The following RPS6KC1 variants were observed in gnomAD, a reference collection of about 807,000 sequenced individuals.
RPS6KC1 encodes inactive ribosomal protein S6 kinase delta-1.
In RPS6KC1, 54 loss-of-function variants were observed where a neutral mutation model predicts 103.8. That is an observed-to-expected ratio of 0.52 (90% CI 0.42 to 0.65). The LOEUF (loss-of-function observed/expected upper bound fraction) is 0.65, where lower values mean the gene tolerates loss of function less well. Ranked by LOEUF, RPS6KC1 falls within the 30% of genes least tolerant of loss-of-function variation. RPS6KC1 has a pLI of 0.00. For synonymous variants in RPS6KC1, 439 were observed against 438.7 expected (o/e 1.00, Z -0.01); for missense variants, 1,151 against 1,253.8 (o/e 0.92, Z 1.24).
At chr1:213,667,461 C>T in the RPS6KC1 span, among the ~76,000 whole-genome samples, 1 of 152,102 alleles carries the variant, frequency 6.6e-6, no homozygotes, top group African/African-American at 2.4e-5. Context: ...AATGTACATA[C>T]CTTAATTAAA....
intron 3 of RPS6KC1, among the ~76,000 whole-genome samples, chr1:213,083,217 C>T (rs1205980815): frequency 6.6e-6 from 1 of 152,152 alleles, no homozygotes; most frequent in Non-Finnish European, 1.5e-5. Context: ...AAAACAACCA[C>T]GAAGCCACAC....
intron 3 of RPS6KC1, among the ~76,000 whole-genome samples, chr1:213,103,586 C>G (rs998309987): frequency 6.6e-6 from 1 of 152,162 alleles, no homozygotes; most frequent in African/African-American, 2.4e-5. Flanking sequence ...TTCAGTTTCA[C>G]TTGCCAGTCA....
chr1:213,766,593 G>A, the RPS6KC1 span, among the ~76,000 whole-genome samples: 2 of 152,168 alleles, frequency 1.3e-5, no homozygotes, highest in Admixed American at 6.5e-5. Flanking sequence ...ACCTCCTGGT[G>A]GGCAGATGTA....
At chr1:213,417,889 G>A in the RPS6KC1 span, among the ~76,000 whole-genome samples, 4 of 152,134 alleles carry the variant, frequency 2.6e-5, no homozygotes, top group African/African-American at 9.7e-5. Context: ...ACTTTTCCAT[G>A]AGGCAGGTGA....
the RPS6KC1 span, among the ~76,000 whole-genome samples, chr1:213,320,339 A>G: frequency 6.6e-6 from 1 of 152,248 alleles, no homozygotes; most frequent in African/African-American, 2.4e-5. Flanking sequence ...AATTGCACCC[A>G]CAGCACTTAT....
chr1:213,284,429 C>G, the RPS6KC1 span, among the ~76,000 whole-genome samples: 271 of 71,546 alleles, frequency 3.8e-3, no homozygotes, highest in Middle Eastern at 6.6e-3. Flanking sequence ...ACAAGAATAG[C>G]TTGAACCAAT....
chr1:213,444,537 C>A, the RPS6KC1 span, among the ~76,000 whole-genome samples: 1 of 152,114 alleles, frequency 6.6e-6, no homozygotes, highest in Non-Finnish European at 1.5e-5. Context: ...TTATGAGTAT[C>A]AATCATATGG....
chr1:213,418,443 C>T, the RPS6KC1 span, among the ~76,000 whole-genome samples: 5 of 152,096 alleles, frequency 3.3e-5, no homozygotes, highest in Non-Finnish European at 5.9e-5. Flanking sequence ...CGTCTGGGTG[C>T]TCTGGCCTGC....
At chr1:213,310,947 C>A in the RPS6KC1 span, among the ~76,000 whole-genome samples, 2 of 152,034 alleles carry the variant, frequency 1.3e-5, no homozygotes, top group Non-Finnish European at 2.9e-5. Context: ...AAGCCTCACA[C>A]GGGGAACCAG....
chr1:213,849,451 C>T, the RPS6KC1 span, among the ~76,000 whole-genome samples: 2 of 152,120 alleles, frequency 1.3e-5, no homozygotes, highest in Non-Finnish European at 2.9e-5. Flanking sequence ...CCAACTTTGC[C>T]ATATTCTAAG....
At chr1:213,275,975 G>A (rs959714526), downstream of RPS6KC1, among the ~76,000 whole-genome samples, 11 of 152,302 alleles carry the variant, frequency 7.2e-5, no homozygotes, top group Admixed American at 1.3e-4. Context: ...TTAAACAGCT[G>A]CAATACCTAT....
At chr1:213,733,095 G>A in the RPS6KC1 span, among the ~76,000 whole-genome samples, 24 of 152,280 alleles carry the variant, frequency 1.6e-4, no homozygotes, top group Non-Finnish European at 2.9e-4. Flanking sequence ...GAATAATGCT[G>A]CCATGAAAAT....
At chr1:213,084,453 A>C (rs1304495048) in intron 3 of RPS6KC1, among the ~76,000 whole-genome samples, 2 of 152,068 alleles carry the variant, frequency 1.3e-5, no homozygotes, top group African/African-American at 4.8e-5. Flanking sequence ...TTAATGAGCT[A>C]TTCCAAATTA....
chr1:213,849,684 A>G, the RPS6KC1 span, among the ~76,000 whole-genome samples: 20 of 152,188 alleles, frequency 1.3e-4, no homozygotes, highest in Admixed American at 6.5e-4. Flanking sequence ...TTAAATTAAT[A>G]TATCTATTCA....
the RPS6KC1 span, among the ~76,000 whole-genome samples, chr1:213,824,481 G>A: frequency 6.6e-6 from 1 of 152,150 alleles, no homozygotes; most frequent in Non-Finnish European, 1.5e-5. Flanking sequence ...CACATCGCCT[G>A]CACTGCTAAG....
chr1:213,503,095 T>G, the RPS6KC1 span, among the ~76,000 whole-genome samples: 1 of 152,128 alleles, frequency 6.6e-6, no homozygotes, highest in Non-Finnish European at 1.5e-5. Context: ...TGTGTGTCTT[T>G]TCTTACTTCA....
the RPS6KC1 span, among the ~76,000 whole-genome samples, chr1:213,438,792 C>CTTTTTTTT: frequency 1.5e-5 from 2 of 129,732 alleles, no homozygotes; most frequent in South Asian, 2.5e-4. Flanking sequence ...ATCTTGGTTT[C>CTTTTTTTT]TTTTTTTTTT....
chr1:213,093,589 A>G (rs2081184819), intron 3 of RPS6KC1, among the ~76,000 whole-genome samples: 1 of 152,136 alleles, frequency 6.6e-6, no homozygotes, highest in Non-Finnish European at 1.5e-5. Flanking sequence ...AATTTTGCAT[A>G]TGATCGAGCT....
At chr1:213,445,779 G>A in the RPS6KC1 span, among the ~76,000 whole-genome samples, 2 of 152,246 alleles carry the variant, frequency 1.3e-5, no homozygotes, top group South Asian at 4.1e-4. Flanking sequence ...ACAGAAGGCA[G>A]AATTTTGCTG....
Sources: gnomAD v4.1 joint callset for allele counts (sites outside exome capture counted in the v4.1 genomes callset) on GRCh38, gnomAD v4.1.1 for gene constraint, MANE v1.5 for transcripts, NCBI Gene and HGNC (gene_info 2026-07-23, HGNC 2026-07-21) for gene names.